ARID4B: variants seen among roughly 807,000 people sequenced by gnomAD.
ARID4B encodes AT-rich interactive domain-containing protein 4B.
ARID4B carries 26 observed loss-of-function variants against 147.5 expected under a neutral mutation model. The observed-to-expected ratio is 0.18, with a 90% CI of 0.13 to 0.24. The LOEUF is 0.24. Ranked by LOEUF, ARID4B falls within the 10% of genes least tolerant of loss-of-function variation. The pLI is 1.00. For missense variants in ARID4B, 1,179 were observed against 1,511.5 expected, an observed-to-expected ratio of 0.78 and a Z score of 3.65; for synonymous variants, 512 against 507.9, an observed-to-expected ratio of 1.01 and a Z score of -0.11.
At chr1:235,183,759 C>CTTCCTTTCTCT (rs911856004) in intron 19 of ARID4B, among the ~76,000 whole-genome samples, 6 of 118,174 alleles carry the variant, frequency 5.1e-5, no homozygotes, top group East Asian at 2.1e-4. Context: ...CCCTGCCTCC[C>CTTCCTTTCTCT]TTCCTTTCTC....
At chr1:235,306,384 T>C (rs1045873367) in intron 2 of ARID4B, among the ~76,000 whole-genome samples, 1 of 151,506 alleles carries the variant, frequency 6.6e-6, no homozygotes, top group Admixed American at 6.6e-5. Context: ...ACACCTGTAG[T>C]CCCAGTTACT....
At chr1:235,273,928 G>A (rs1671144178) in intron 2 of ARID4B, among the ~76,000 whole-genome samples, 1 of 152,282 alleles carries the variant, frequency 6.6e-6, no homozygotes, top group Middle Eastern at 3.4e-3. Context: ...ATCACTTACT[G>A]TGAACTCCAT....
intron 17 of ARID4B, among the ~76,000 whole-genome samples, chr1:235,213,055 T>A (rs1666810868): frequency 6.6e-6 from 1 of 152,176 alleles, no homozygotes; most frequent in Non-Finnish European, 1.5e-5. Context: ...CAAAACTGGC[T>A]TGCCAATTTT....
chr1:235,176,060 C>T (rs1226589886), intron 21 of ARID4B, among the ~76,000 whole-genome samples: 1 of 152,104 alleles, frequency 6.6e-6, no homozygotes, highest in Non-Finnish European at 1.5e-5. Flanking sequence ...GACAGCTTAC[C>T]ATGTGAACAG....
chr1:235,297,121 C>T (rs1672796148), intron 2 of ARID4B, among the ~76,000 whole-genome samples: 1 of 151,944 alleles, frequency 6.6e-6, no homozygotes, highest in South Asian at 2.1e-4. Flanking sequence ...TCCCTTGTGC[C>T]AGAAAGAGAG....
rs1663445741 is a variant in ARID4B at position 235,172,572 on chromosome 1, T to C, written c.3811+46A>G. On this transcript the variant is annotated intron_variant, in intron 23 of 23. Coordinates refer to ENST00000264183, the MANE Select transcript of ARID4B (RefSeq NM_016374.6). ...CAGCCTGGCGACAAGAGTGAAACTCTGTCTCAAAATAAATAAATAAATAAA... is the reference window on the plus strand; with the variant it reads ...CAGCCTGGCGACAAGAGTGAAACTCCGTCTCAAAATAAATAAATAAATAAA... 6 of 1,339,528 alleles carry C rather than the reference T, an allele frequency of 4.5e-6. No homozygotes were observed. The African/African-American group carries it at 6.0e-5, about 13-fold the overall frequency. The allele number at this position is 1,339,528 out of a possible 1,614,324, so 83.0% of individuals were successfully genotyped here. A position where few individuals can be genotyped will look rare whatever the true frequency, so the allele number is the denominator to read the frequency against.
intron 2 of ARID4B, among the ~76,000 whole-genome samples, chr1:235,276,623 C>T (rs1671331566): frequency 6.6e-6 from 1 of 151,902 alleles, no homozygotes; most frequent in Non-Finnish European, 1.5e-5. Flanking sequence ...GATCACACCA[C>T]TGCACTCCAG....
intron 2 of ARID4B, among the ~76,000 whole-genome samples, chr1:235,280,957 A>C (rs894801030): frequency 1.3e-5 from 2 of 152,202 alleles, no homozygotes; most frequent in African/African-American, 4.8e-5. Flanking sequence ...AAAAACGAAA[A>C]AAAAAGAGTC....
At chr1:235,230,188 G>A (rs1668108537) in intron 10 of ARID4B, among the ~76,000 whole-genome samples, 2 of 152,118 alleles carry the variant, frequency 1.3e-5, no homozygotes, top group Admixed American at 6.5e-5. Flanking sequence ...GGCCAAGGCG[G>A]GTGGACTGCC....
At chr1:235,321,513 C>T (rs1436644420) in intron 2 of ARID4B, among the ~76,000 whole-genome samples, 1 of 152,038 alleles carries the variant, frequency 6.6e-6, no homozygotes, top group Admixed American at 6.6e-5. Context: ...GTCCTGAATT[C>T]TACTTCTTTT....
intron 17 of ARID4B, among the ~76,000 whole-genome samples, chr1:235,207,325 T>G (rs1479592777): frequency 6.6e-6 from 1 of 152,192 alleles, no homozygotes; most frequent in Non-Finnish European, 1.5e-5. Flanking sequence ...AGGTTCACAG[T>G]AATGAATTTA....
chr1:235,198,046 T>C (rs1315893279), intron 17 of ARID4B, among the ~76,000 whole-genome samples: 6 of 152,212 alleles, frequency 3.9e-5, no homozygotes, highest in African/African-American at 1.4e-4. Context: ...AGAAGAGTTA[T>C]GGAAAGAAGA....
chr1:235,324,743 C>G (rs1003061963), intron 2 of ARID4B, among the ~76,000 whole-genome samples: 1 of 152,128 alleles, frequency 6.6e-6, no homozygotes, highest in East Asian at 1.9e-4. Context: ...TCGACACCAG[C>G]CTGGGCAACA....
chr1:235,189,425 T>A (rs546148353), intron 19 of ARID4B, among the ~76,000 whole-genome samples: 2,152 of 90,862 alleles, frequency 0.024, 87 homozygotes, highest in African/African-American at 0.089. Flanking sequence ...AAAAAAAAAA[T>A]CATTGAAAAC....
chr1:235,182,497 T>C lies in ARID4B; in HGVS notation c.2422A>G (p.Lys808Glu), dbSNP rs1182644970. The C allele has an allele frequency of 1.9e-6, 3 of 1,613,480 alleles. No individual in the cohort carries two copies. The highest frequency in any genetic ancestry group is 3.3e-5 in the Admixed American group (2 of 59,948). ...GAAGATTTATCTGTTGTGTCCTTCT[T>C]GACATCCTTTCTCTTTTTTGTGACT... ...DEVTKKRKDV[K>E]KDTTDKSSKP... Residue 808 changes from lysine to glutamate, a missense_variant, in exon 20 of 24, where the codon AAG becomes GAG. By Grantham distance (56) the Lys-to-Glu change is moderately conservative. Around this residue, in one of 10 missense-constraint regions of ARID4B, gnomAD observed 321 missense variants for 342.4 expected, o/e 0.94. Coordinates refer to ENST00000264183, the MANE Select transcript of ARID4B (RefSeq NM_016374.6).
At chr1:235,175,086 A>G (rs61837204) in intron 22 of ARID4B, 98 bp downstream of exon 22, 27,506 of 1,090,716 alleles carry the variant, frequency 0.025, 577 homozygotes, top group South Asian at 0.083. Flanking sequence ...CAGCCTGGTG[A>G]CAGAGCGAGA....
intron 17 of ARID4B, among the ~76,000 whole-genome samples, chr1:235,196,502 C>T (rs1665499182): frequency 6.6e-6 from 1 of 152,076 alleles, no homozygotes; most frequent in South Asian, 2.1e-4. Context: ...TTTCTCTAGA[C>T]ACATCAGAGA....
At chr1:235,299,728 G>A (rs1024894252) in intron 2 of ARID4B, among the ~76,000 whole-genome samples, 2 of 152,210 alleles carry the variant, frequency 1.3e-5, no homozygotes, top group Non-Finnish European at 2.9e-5. Context: ...TATGAGTTAG[G>A]AGATCCAAGT....
chr1:235,303,267 C>T (rs1480251675), intron 2 of ARID4B, among the ~76,000 whole-genome samples: 1 of 152,066 alleles, frequency 6.6e-6, no homozygotes, highest in African/African-American at 2.4e-5. Context: ...TATCTTCCAC[C>T]CAAAATTTGT....
Sources: gnomAD v4.1 joint callset for allele counts (sites outside exome capture counted in the v4.1 genomes callset) on GRCh38, gnomAD v4.1.1 for gene constraint, gnomAD v4.1.1 regional missense constraint, MANE v1.5 for transcripts, NCBI Gene and HGNC (gene_info 2026-07-23, HGNC 2026-07-21) for gene names.